The following CACNG4 variants were observed in gnomAD, a reference collection of about 807,000 sequenced individuals.
The protein encoded by CACNG4 is calcium voltage-gated channel auxiliary subunit gamma 4, also known as voltage-dependent calcium channel gamma-4 subunit.
Under a neutral mutation model 22.9 loss-of-function variants are expected in CACNG4, and 8 were observed. The ratio of observed to expected loss-of-function variants is 0.35; its 90% CI spans 0.21 to 0.63. CACNG4 has a LOEUF of 0.63. CACNG4 is among the 30% of genes least tolerant of loss of function. The probability of loss-of-function intolerance (pLI) is 0.72; values close to 1 mark genes in which losing one functional copy is unlikely to be tolerated. For synonymous variants in CACNG4, 188 were observed against 191.9 expected (o/e 0.98, Z 0.17); for missense variants, 357 against 455.4 (o/e 0.78, Z 1.97).
At chr17:67,017,198 T>G (rs1256821892) in intron 1 of CACNG4, among the ~76,000 whole-genome samples, 1 of 152,032 alleles carries the variant, frequency 6.6e-6, no homozygotes, top group Non-Finnish European at 1.5e-5. Flanking sequence ...CACCTCAGCC[T>G]CCCGAGTAGC....
intron 1 of CACNG4, among the ~76,000 whole-genome samples, chr17:67,017,086 A>G (rs894637282): frequency 6.6e-6 from 1 of 151,872 alleles, no homozygotes; most frequent in Non-Finnish European, 1.5e-5. Flanking sequence ...TGGTTTTTTG[A>G]GTTTTTTTGA....
intron 1 of CACNG4, among the ~76,000 whole-genome samples, chr17:66,969,273 A>G (rs184655513): frequency 4.7e-4 from 72 of 152,244 alleles, no homozygotes; most frequent in Non-Finnish European, 8.5e-4. Context: ...CACTAGAGCC[A>G]CCCAGTCCCC....
intron 2 of CACNG4, among the ~76,000 whole-genome samples, chr17:67,020,835 A>G (rs1302504924): frequency 6.6e-6 from 1 of 152,224 alleles, no homozygotes; most frequent in African/African-American, 2.4e-5. Flanking sequence ...ATGTAGAAGC[A>G]CAGGAGGGAG....
At chr17:67,011,593 C>T (rs2035468442) in intron 1 of CACNG4, among the ~76,000 whole-genome samples, 1 of 152,150 alleles carries the variant, frequency 6.6e-6, no homozygotes, top group Non-Finnish European at 1.5e-5. Context: ...GCACTTAGAA[C>T]ATTGCTATGG....
intron 1 of CACNG4, among the ~76,000 whole-genome samples, chr17:67,015,165 A>G (rs143663796): frequency 1.3e-4 from 20 of 152,218 alleles, no homozygotes; most frequent in African/African-American, 1.9e-4. Context: ...ACAATGCAGC[A>G]TCCATGCCGC....
At chr17:66,966,582 C>T (rs1238194678) in intron 1 of CACNG4, among the ~76,000 whole-genome samples, 1 of 152,180 alleles carries the variant, frequency 6.6e-6, no homozygotes, top group Non-Finnish European at 1.5e-5. Flanking sequence ...GCTGGATCTG[C>T]TTAGTGAAGT....
At chr17:66,980,831 C>G (rs547254167) in intron 1 of CACNG4, among the ~76,000 whole-genome samples, 1 of 152,012 alleles carries the variant, frequency 6.6e-6, no homozygotes, top group Non-Finnish European at 1.5e-5. Context: ...GTTGGCCAGG[C>G]TGGTCTCAAA....
At chr17:66,985,810 G>A (rs534861218) in intron 1 of CACNG4, among the ~76,000 whole-genome samples, 5 of 152,288 alleles carry the variant, frequency 3.3e-5, no homozygotes, top group South Asian at 4.1e-4. Context: ...TTAAGTGCAC[G>A]TCCAAGGAGT....
intron 1 of CACNG4, among the ~76,000 whole-genome samples, chr17:66,989,749 T>A (rs560736900): frequency 1.3e-5 from 2 of 151,542 alleles, no homozygotes; most frequent in Admixed American, 1.3e-4. Flanking sequence ...TGTTGAGAAC[T>A]CCCTTTGTAG....
intron 3 of CACNG4, among the ~76,000 whole-genome samples, chr17:67,026,043 T>C (rs2159211): frequency 0.62 from 94,342 of 151,890 alleles, 29,768 homozygotes; most frequent in East Asian, 0.94. Flanking sequence ...TTGAGAACTG[T>C]GATTGTGTGT....
chr17:67,015,135 G>C (rs1044787265), intron 1 of CACNG4, among the ~76,000 whole-genome samples: 1 of 152,082 alleles, frequency 6.6e-6, no homozygotes, highest in Non-Finnish European at 1.5e-5. Flanking sequence ...GTGTCCCTCC[G>C]TGGGTGAAAG....
intron 1 of CACNG4, among the ~76,000 whole-genome samples, chr17:67,007,966 G>A (rs1424351018): frequency 1.3e-5 from 2 of 152,160 alleles, no homozygotes; most frequent in Non-Finnish European, 2.9e-5. Flanking sequence ...CGTCACTTCA[G>A]TTCACATTCC....
intron 1 of CACNG4, among the ~76,000 whole-genome samples, chr17:66,994,679 C>T (rs1020927819): frequency 2.0e-5 from 3 of 152,190 alleles, no homozygotes; most frequent in Non-Finnish European, 2.9e-5. Flanking sequence ...CCAGAACTGC[C>T]GTTTTCTCCT....
chr17:67,019,530 C>G (rs1229070607), intron 2 of CACNG4, among the ~76,000 whole-genome samples: 2 of 152,204 alleles, frequency 1.3e-5, no homozygotes, highest in East Asian at 3.9e-4. Flanking sequence ...TTGTACAGTG[C>G]ACGTCTGCAC....
chr17:66,982,209 G>T (rs561536172), intron 1 of CACNG4, among the ~76,000 whole-genome samples: 401 of 152,364 alleles, frequency 2.6e-3, no homozygotes, highest in Non-Finnish European at 4.3e-3. Context: ...GCTGGCTAGG[G>T]TGGCCAGCTT....
At position 66,964,924 on chromosome 17, in the gene CACNG4, G is replaced by A; in HGVS notation, c.13G>A (p.Asp5Asn). 1 of 1,570,910 alleles carries A rather than the reference G, an allele frequency of 6.4e-7. No individual in the cohort carries two copies. Among genetic ancestry groups the A allele is most frequent in the Non-Finnish European group, 8.6e-7 (1 of 1,163,416 alleles). Residue 5 changes from aspartate (D) to asparagine (N), a missense_variant, in exon 1 of 4, where the codon GAC becomes AAC. Around this residue, in one of 3 missense-constraint regions of CACNG4, gnomAD observed 114 missense variants for 161.6 expected, o/e 0.71. Transcript: ENST00000262138. MVRCDRGLQMLLTTA... is the reference protein window; with the variant it reads MVRCNRGLQMLLTTA... The stretch of plus-strand genomic sequence containing the variant: ...TGAGGCGCCCACCATGGTGCGATGC[G>A]ACCGCGGGCTGCAGATGCTGCTGAC...
chr17:67,026,985 C>T (rs2035571927), intron 3 of CACNG4, among the ~76,000 whole-genome samples: 1 of 152,002 alleles, frequency 6.6e-6, no homozygotes, highest in African/African-American at 2.4e-5. Context: ...TAGGAGGTCC[C>T]GGCTGTGACC....
At chr17:66,987,366 G>C (rs529738779) in intron 1 of CACNG4, among the ~76,000 whole-genome samples, 26 of 152,266 alleles carry the variant, frequency 1.7e-4, no homozygotes, top group African/African-American at 6.3e-4. Flanking sequence ...ACCCATGTGA[G>C]AATTCACAGA....
chr17:67,015,700 C>T (rs1295299585), intron 1 of CACNG4, among the ~76,000 whole-genome samples: 4 of 152,150 alleles, frequency 2.6e-5, no homozygotes, highest in South Asian at 2.1e-4. Context: ...AGCAGCCTGC[C>T]GCTGCAGAGC....
Sources: gnomAD v4.1 joint callset for allele counts (sites outside exome capture counted in the v4.1 genomes callset) on GRCh38, gnomAD v4.1.1 for gene constraint, gnomAD v4.1.1 regional missense constraint, MANE v1.5 for transcripts, NCBI Gene and HGNC (gene_info 2026-07-23, HGNC 2026-07-21) for gene names.